The following ZNF431 variants were observed in gnomAD, a reference collection of about 807,000 sequenced individuals.
ZNF431 encodes the protein zinc finger protein 431.
Under a neutral mutation model 57.0 loss-of-function variants are expected in ZNF431, and 34 were observed. That is an observed-to-expected ratio of 0.60 (90% confidence interval 0.45 to 0.79). The LOEUF is 0.79. ZNF431 is among the 30% of genes least tolerant of loss of function. The pLI is 0.00. For missense variants in ZNF431, 607 were observed against 667.1 expected (o/e 0.91, Z 0.99); for synonymous variants, 207 against 220.3 (o/e 0.94, Z 0.54).
chr19:21,157,076 C>T (rs1185519906), intron 2 of ZNF431, among the ~76,000 whole-genome samples: 3 of 151,902 alleles, frequency 2.0e-5, no homozygotes, highest in African/African-American at 4.8e-5. Flanking sequence ...CCTCACCCAA[C>T]CATACCATAT....
chr19:21,166,896 CCT>C (rs1336453865), intron 3 of ZNF431, among the ~76,000 whole-genome samples: 11 of 151,788 alleles, frequency 7.2e-5, no homozygotes, highest in Admixed American at 7.2e-4. Flanking sequence ...GGAATCTCAC[CCT>C]GTCACCCAGG....
At chr19:21,166,097 C>T (rs1258977644) in intron 2 of ZNF431, among the ~76,000 whole-genome samples, 2 of 152,164 alleles carry the variant, frequency 1.3e-5, no homozygotes, top group Admixed American at 1.3e-4. Flanking sequence ...TATACTTTAT[C>T]ATCCAGAGAA....
In ZNF431 at chr19:21,185,169, A is replaced by T. The variant is rs1971333174; in HGVS notation, c.*1135A>T. On this transcript the variant is annotated 3_prime_UTR_variant, in exon 5 of 5. Coordinates refer to ENST00000311048, the MANE Select transcript of ZNF431 (RefSeq NM_133473.4). ...TATGGTAGAAATATATAAGGTACTG[A>T]CACTTCAGATATACTAAATCAGAGT... 2 of 152,216 alleles carry T rather than the reference A, an allele frequency of 1.3e-5. No homozygotes were observed. Among genetic ancestry groups the T allele is most frequent in the African/African-American group, 4.8e-5 (2 of 41,458 alleles). The allele number at this position is 152,216 out of a possible 1,614,324, so 9.4% of individuals were successfully genotyped here.
At chr19:21,174,086 C>T (rs929662759) in intron 4 of ZNF431, among the ~76,000 whole-genome samples, 14 of 151,952 alleles carry the variant, frequency 9.2e-5, no homozygotes, top group Admixed American at 7.2e-4. Flanking sequence ...GCTGGGATTA[C>T]AGGCGCCAAA....
At chr19:21,151,363 C>G (rs551800445) in intron 2 of ZNF431, among the ~76,000 whole-genome samples, 1 of 152,238 alleles carries the variant, frequency 6.6e-6, no homozygotes, top group African/African-American at 2.4e-5. Context: ...GATCAGTGCT[C>G]TTTTAAAAAG....
At position 21,183,936 on chromosome 19, in the gene ZNF431, T is replaced by C; in HGVS notation, c.1633T>C (p.Cys545Arg). The C allele has an allele frequency of 6.2e-7, 1 of 1,612,712 alleles. No individual in the cohort carries two copies. The highest frequency in any genetic ancestry group is 8.5e-7 in the Non-Finnish European group (1 of 1,179,444). The change falls in exon 5 of 5, where the codon TGT (cysteine) becomes CGT (arginine). Residue 545 changes from cysteine to arginine, a missense_variant. Physicochemically the swap from Cys to Arg is radical, Grantham distance 180. Coordinates refer to ENST00000311048, the MANE Select transcript of ZNF431 (RefSeq NM_133473.4). The part of the protein sequence containing the change: ...TRQKPYNCEE[C>R]DNTFNQSSNL... ...ACAGAAACCCTACAACTGTGAAGAA[T>C]GTGACAATACATTTAACCAGTCCTC...
intron 3 of ZNF431, 109 bp downstream of exon 3, chr19:21,166,570 C>T: frequency 7.8e-7 from 1 of 1,274,658 alleles, no homozygotes; most frequent in South Asian, 1.6e-5. Flanking sequence ...AGTTTCTAAT[C>T]CCAGTTTTCA....
At chr19:21,174,024 C>T (rs59436607) in intron 4 of ZNF431, among the ~76,000 whole-genome samples, 24,522 of 151,224 alleles carry the variant, frequency 0.16, 2,247 homozygotes, top group African/African-American at 0.25. Flanking sequence ...CGACGCACTG[C>T]AACCTCTGCC....
intron 4 of ZNF431, 41 bp from the exon 5 acceptor site, chr19:21,182,582 G>A (rs750516780): frequency 2.8e-5 from 43 of 1,539,852 alleles, no homozygotes; most frequent in Non-Finnish European, 3.7e-5. Context: ...GTTTATCAGA[G>A]TCTAGTAAGT....
chr19:21,173,246 T>G (rs1414530240), intron 4 of ZNF431, among the ~76,000 whole-genome samples: 1 of 152,220 alleles, frequency 6.6e-6, no homozygotes, highest in Non-Finnish European at 1.5e-5. Flanking sequence ...ACAATAAACA[T>G]GGATGTTCAA....
At position 21,189,051 on chromosome 19, in the gene ZNF431, A is replaced by G. The variant is rs1334202014; in HGVS notation, c.*5017A>G. 1 of 152,220 alleles carries G rather than the reference A, an allele frequency of 6.6e-6. No individual in the cohort carries two copies. Among genetic ancestry groups the G allele is most frequent in the Non-Finnish European group, 1.5e-5 (1 of 68,048 alleles). The allele number at this position is 152,220 out of a possible 1,614,324, so 9.4% of individuals were successfully genotyped here. On this transcript the variant is annotated 3_prime_UTR_variant, in exon 5 of 5. Transcript: ENST00000311048. ...CTATTTAACCAAGATTATCACAAAGACACAGTATTTGACACATTGTTATTC... is the reference window on the plus strand; with the variant it reads ...CTATTTAACCAAGATTATCACAAAGGCACAGTATTTGACACATTGTTATTC...
chr19:21,186,387 T>TA lies in ZNF431; in HGVS notation c.*2356dup, dbSNP rs1355616706. ...CTTTTAGTTTTGATTCATATAGAGT[T>TA]AAATACATGTTAGTCTAAAGACAAA... On this transcript the variant is annotated 3_prime_UTR_variant, in exon 5 of 5. Transcript: ENST00000311048. 3 of 152,224 alleles carry TA rather than the reference T, an allele frequency of 2.0e-5. No homozygotes were observed. The highest frequency in any genetic ancestry group is 2.9e-5 in the Non-Finnish European group (2 of 68,048). 9.4% of individuals were successfully genotyped at this position (152,224 alleles called of 1,614,324 possible).
chr19:21,167,265 A>G (rs541406576), intron 3 of ZNF431, among the ~76,000 whole-genome samples: 40 of 151,870 alleles, frequency 2.6e-4, no homozygotes, highest in African/African-American at 8.4e-4. Flanking sequence ...GGTCCAAGCA[A>G]TTCTCCTCCT....
At chr19:21,178,946 G>A (rs1276938641) in intron 4 of ZNF431, among the ~76,000 whole-genome samples, 3 of 152,036 alleles carry the variant, frequency 2.0e-5, no homozygotes, top group African/African-American at 7.3e-5. Flanking sequence ...CAGAAGAAAT[G>A]GTACCAGATC....
intron 2 of ZNF431, among the ~76,000 whole-genome samples, chr19:21,153,543 T>A (rs1386347362): frequency 4.6e-5 from 7 of 152,290 alleles, no homozygotes; most frequent in Admixed American, 3.9e-4. Context: ...ACCCAGATTA[T>A]GTATGTGCTT....
In ZNF431 at chr19:21,167,608, G is replaced by A. The variant is rs779915220; in HGVS notation, c.261G>A (p.Leu87=). ...CTAAGCAAGACCCAGTCACCTGTCT[G>A]GAGCAAGAAAAAGAGCCCTGGAATA... The part of the protein sequence containing the change: ...AVSKQDPVTC[L]EQEKEPWNMK... The change falls in exon 4 of 5, where the codon CTG becomes CTA. Residue 87 remains leucine (L), a synonymous_variant. Transcript: ENST00000311048. 1.1e-5 allele frequency: 17 copies of A among 1,588,928 alleles called. No homozygotes were observed. The South Asian group carries it at 1.5e-4, about 14-fold the overall frequency.
At chr19:21,158,995 A>G (rs986097842) in intron 2 of ZNF431, among the ~76,000 whole-genome samples, 3 of 152,220 alleles carry the variant, frequency 2.0e-5, no homozygotes, top group African/African-American at 7.2e-5. Flanking sequence ...TGTACCTTCA[A>G]TGCCTAGTTT....
chr19:21,166,254 A>G, intron 2 of ZNF431, 81 bp from the exon 3 acceptor site: 6 of 1,549,414 alleles, frequency 3.9e-6, no homozygotes, highest in Non-Finnish European at 4.3e-6. Flanking sequence ...TTACTCTCTC[A>G]ATTCACCTTA....
At chr19:21,158,311 C>T (rs957544425) in intron 2 of ZNF431, among the ~76,000 whole-genome samples, 2 of 152,114 alleles carry the variant, frequency 1.3e-5, no homozygotes, top group African/African-American at 4.8e-5. Context: ...TATTCTCCTG[C>T]CTCAGCTTCC....
Sources: gnomAD v4.1 joint callset for allele counts (sites outside exome capture counted in the v4.1 genomes callset) on GRCh38, gnomAD v4.1.1 for gene constraint, MANE v1.5 for transcripts, NCBI Gene and HGNC (gene_info 2026-07-23, HGNC 2026-07-21) for gene names.